The following ADGRG6 variants were observed in gnomAD, a reference collection of about 807,000 sequenced individuals.
ADGRG6 encodes G-protein coupled receptor 126.
A neutral mutation model predicts 142.4 loss-of-function variants in ADGRG6; 84 were observed. That is an observed-to-expected ratio of 0.59 (90% CI 0.49 to 0.71). ADGRG6 has a LOEUF of 0.71. Among genes scored for constraint, ADGRG6 ranks in the 30% least tolerant of loss-of-function variants. ADGRG6 has a pLI of 0.00. For missense variants in ADGRG6, 1,367 were observed against 1,466.6 expected (o/e 0.93, Z 1.11); for synonymous variants, 521 against 520.5 (o/e 1.00, Z -0.01).
intron 6 of ADGRG6, among the ~76,000 whole-genome samples, chr6:142,387,836 G>C (rs1001623758): frequency 1.6e-4 from 24 of 152,286 alleles, no homozygotes; most frequent in African/African-American, 5.5e-4. Flanking sequence ...CATGCTGAAA[G>C]AAGTATCTAA....
At chr6:142,383,427 T>A (rs1562354478) in intron 5 of ADGRG6, among the ~76,000 whole-genome samples, 1 of 152,258 alleles carries the variant, frequency 6.6e-6, no homozygotes, top group East Asian at 1.9e-4. Flanking sequence ...GGAAACCAAG[T>A]TCTAGAAGGG....
At chr6:142,370,879 C>T in intron 4 of ADGRG6, 86 bp downstream of exon 4, 1 of 1,260,314 alleles carries the variant, frequency 7.9e-7, no homozygotes, top group South Asian at 1.3e-5. Context: ...TACATACACA[C>T]AAATGTACCT....
rs1245053363 is a variant in ADGRG6, at chr6:142,370,601, T to C, written c.877T>C (p.Leu293=). 3.1e-6 allele frequency: 5 copies of C among 1,612,860 alleles called. No homozygotes were observed. The highest frequency in any genetic ancestry group is 4.2e-6 in the Non-Finnish European group (5 of 1,178,990). ...TATTCCTGGGAATGGGAAATTGTTG[T>C]TGGGCTCCAATCAAAATGAAATTGT... ...KVIPGNGKLL[L]GSNQNEIVSL... is the part of the protein sequence containing the mutation. The change falls in exon 4 of 25, where the codon TTG becomes CTG. Residue 293 remains leucine, a synonymous_variant. Coordinates refer to ENST00000367609, the MANE Select transcript of ADGRG6 (RefSeq NM_198569.3).
intron 2 of ADGRG6, among the ~76,000 whole-genome samples, chr6:142,322,366 C>A (rs1778559708): frequency 6.6e-6 from 1 of 152,112 alleles, no homozygotes; most frequent in Middle Eastern, 3.4e-3. Context: ...CACTACTGCA[C>A]TCCAGCCTGG....
chr6:142,380,290 G>A (rs1388255714), intron 4 of ADGRG6, among the ~76,000 whole-genome samples: 2 of 152,066 alleles, frequency 1.3e-5, no homozygotes, highest in Non-Finnish European at 2.9e-5. Flanking sequence ...TTCCATCATG[G>A]CCTCAACTCG....
chr6:142,429,250 C>G (rs755348530), intron 22 of ADGRG6, among the ~76,000 whole-genome samples: 19 of 152,020 alleles, frequency 1.2e-4, no homozygotes, highest in Non-Finnish European at 2.5e-4. Flanking sequence ...TGAAATATGC[C>G]AAATATCAAT....
At chr6:142,317,657 T>C (rs979734746) in intron 2 of ADGRG6, among the ~76,000 whole-genome samples, 4 of 136,536 alleles carry the variant, frequency 2.9e-5, no homozygotes, top group Non-Finnish European at 6.1e-5. Flanking sequence ...GTGTATATTA[T>C]ATATATAGGA....
At chr6:142,424,203 C>T (rs1327200878) in intron 22 of ADGRG6, among the ~76,000 whole-genome samples, 1 of 120,192 alleles carries the variant, frequency 8.3e-6, no homozygotes, top group Admixed American at 9.3e-5. Flanking sequence ...ACTTCCAACA[C>T]TATGTTGAAT....
intron 9 of ADGRG6, among the ~76,000 whole-genome samples, chr6:142,396,266 T>C (rs1344832872): frequency 3.9e-5 from 6 of 152,212 alleles, no homozygotes; most frequent in African/African-American, 1.4e-4. Context: ...TAAAAATTGT[T>C]AAGCTATCAT....
intron 2 of ADGRG6, among the ~76,000 whole-genome samples, chr6:142,338,680 A>G (rs1343202064): frequency 2.6e-5 from 4 of 152,108 alleles, no homozygotes; most frequent in African/African-American, 9.7e-5. Flanking sequence ...GGTAATTGCT[A>G]TTGCATAAAT....
chr6:142,372,598 A>G (rs1481415109), intron 4 of ADGRG6, among the ~76,000 whole-genome samples: 1 of 152,216 alleles, frequency 6.6e-6, no homozygotes, highest in Admixed American at 6.5e-5. Flanking sequence ...TAGATAAACC[A>G]CAACCCTGTT....
At chr6:142,317,956 T>TATTTATATATTATATATATTTATATTAC (rs1778217669) in intron 2 of ADGRG6, among the ~76,000 whole-genome samples, 1 of 67,136 alleles carries the variant, frequency 1.5e-5, no homozygotes, top group Admixed American at 2.8e-4. Context: ...ATTTATATTA[T>TATTTATATATTATATATATTTATATTAC]ATATTTATAT....
At chr6:142,402,530 A>G (rs1775573910) in intron 12 of ADGRG6, 90 bp from the exon 13 acceptor site, 6 of 682,396 alleles carry the variant, frequency 8.8e-6, no homozygotes, top group Non-Finnish European at 1.5e-5. Flanking sequence ...TCAACTGTAA[A>G]GTGAAATATT....
rs1777862575 is a variant in ADGRG6, at chr6:142,443,620, A to G, written c.*105A>G. 2 of 650,538 alleles carry G rather than the reference A, an allele frequency of 3.1e-6. No homozygotes were observed. The highest frequency in any genetic ancestry group is 1.9e-5 in the African/African-American group (1 of 53,714). The allele number at this position is 650,538 out of a possible 1,614,324, so 40.3% of individuals were successfully genotyped here. On this transcript the variant is annotated 3_prime_UTR_variant, in exon 25 of 25. Transcript: ENST00000367609. ...TGCTATTACCTAGGTAACTGCATATATATAAGGAATGTATTTTGTTAAGAA... is the reference window on the plus strand; with the variant it reads ...TGCTATTACCTAGGTAACTGCATATGTATAAGGAATGTATTTTGTTAAGAA...
intron 9 of ADGRG6, among the ~76,000 whole-genome samples, chr6:142,395,199 C>A (rs1372682915): frequency 1.3e-5 from 2 of 151,944 alleles, no homozygotes; most frequent in African/African-American, 4.8e-5. Flanking sequence ...TTTTTATTTT[C>A]TGGTATTATA....
intron 9 of ADGRG6, among the ~76,000 whole-genome samples, chr6:142,395,650 A>G (rs547956962): frequency 2.0e-5 from 3 of 152,328 alleles, no homozygotes; most frequent in South Asian, 4.1e-4. Flanking sequence ...GACAGTGTAT[A>G]TAGCAAAATC....
At chr6:142,308,411 T>A (rs1206791013) in intron 1 of ADGRG6, among the ~76,000 whole-genome samples, 1 of 151,990 alleles carries the variant, frequency 6.6e-6, no homozygotes, top group Non-Finnish European at 1.5e-5. Context: ...AATGCAGTCT[T>A]GAGGCAAGTG....
intron 2 of ADGRG6, among the ~76,000 whole-genome samples, chr6:142,356,206 G>A (rs1378589897): frequency 1.3e-5 from 2 of 152,224 alleles, no homozygotes; most frequent in Non-Finnish European, 2.9e-5. Context: ...GGCATCAAGA[G>A]CACGCTAAAG....
At position 142,437,444 on chromosome 6, in the gene ADGRG6, A is replaced by G. The variant is rs758910549; in HGVS notation, c.3330A>G (p.Ile1110Met). 1.3e-5 allele frequency: 19 copies of G among 1,500,580 alleles called. No individual in the cohort carries two copies. Among genetic ancestry groups the G allele is most frequent in the Non-Finnish European group, 1.6e-5 (17 of 1,079,180 alleles). 93.0% of individuals were successfully genotyped at this position (1,500,580 alleles called of 1,614,324 possible). A position where few individuals can be genotyped will look rare whatever the true frequency, so the allele number is the denominator to read the frequency against. Residue 1110 changes from isoleucine to methionine, a missense_variant, in exon 23 of 25, where the codon ATA becomes ATG. Physicochemically the swap from Ile to Met is conservative, Grantham distance 10. Transcript: ENST00000367609. ...TTTCTTTTGTCACAGGCTTATTTAT[A>G]TTCATCTTCCACTGTGCTATGAAGG... ...SIFNSLQGLF[I>M]FIFHCAMKEN...
Sources: gnomAD v4.1 joint callset for allele counts (sites outside exome capture counted in the v4.1 genomes callset) on GRCh38, gnomAD v4.1.1 for gene constraint, MANE v1.5 for transcripts, NCBI Gene and HGNC (gene_info 2026-07-23, HGNC 2026-07-21) for gene names.